TNIP3: variants seen among roughly 807,000 people sequenced by gnomAD.
The protein encoded by TNIP3 is TNFAIP3-interacting protein 3.
TNIP3 carries 34 observed loss-of-function variants against 54.1 expected under a neutral mutation model. That is an observed-to-expected ratio of 0.63 (90% confidence interval 0.48 to 0.84). The LOEUF is 0.84. TNIP3 is among the 40% of genes least tolerant of loss of function. The pLI is 0.00. For missense variants in TNIP3, 366 were observed against 387.6 expected (o/e 0.94, Z 0.47); for synonymous variants, 134 against 136.8 (o/e 0.98, Z 0.14).
intron 2 of TNIP3, among the ~76,000 whole-genome samples, chr4:121,203,963 A>T (rs926205935): frequency 6.1e-5 from 9 of 148,622 alleles, no homozygotes; most frequent in African/African-American, 1.5e-4. Context: ...ATATATATAT[A>T]TTTTAAATTA....
upstream of TNIP3, among the ~76,000 whole-genome samples, chr4:121,168,854 A>G (rs1008794649): frequency 1.3e-5 from 2 of 152,144 alleles, no homozygotes; most frequent in Non-Finnish European, 2.9e-5. Context: ...TCATAGGAAC[A>G]TTTTTAAGAG....
At chr4:121,169,326 A>G (rs1032988838) in intron 3 of TNIP3, among the ~76,000 whole-genome samples, 17 of 152,128 alleles carry the variant, frequency 1.1e-4, no homozygotes, top group Non-Finnish European at 1.2e-4. Context: ...CACATGGTAC[A>G]TCCCCTCACC....
chr4:121,159,128 A>G (rs1730292912), intron 2 of TNIP3, among the ~76,000 whole-genome samples: 1 of 152,208 alleles, frequency 6.6e-6, no homozygotes, highest in Non-Finnish European at 1.5e-5. Context: ...CTGCAGTCCC[A>G]GCTACTGGGG....
At chr4:121,156,396 C>T (rs1050619806) in intron 4 of TNIP3, among the ~76,000 whole-genome samples, 4 of 152,108 alleles carry the variant, frequency 2.6e-5, no homozygotes, top group African/African-American at 9.7e-5. Context: ...AAGTGTTCTT[C>T]AGGAAAAGCT....
chr4:121,161,701 C>T (rs921804718), intron 1 of TNIP3, among the ~76,000 whole-genome samples: 1 of 152,072 alleles, frequency 6.6e-6, no homozygotes, highest in Non-Finnish European at 1.5e-5. Context: ...ACAAAATCAT[C>T]GAGAAAAAGA....
chr4:121,162,464 A>G (rs1394913625), intron 1 of TNIP3, among the ~76,000 whole-genome samples: 1 of 152,240 alleles, frequency 6.6e-6, no homozygotes, highest in African/African-American at 2.4e-5. Flanking sequence ...CAAGAGTGAC[A>G]CTGAAACCCA....
upstream of TNIP3, among the ~76,000 whole-genome samples, chr4:121,218,943 T>C (rs1353122060): frequency 6.6e-6 from 1 of 152,184 alleles, no homozygotes; most frequent in East Asian, 1.9e-4. Flanking sequence ...CTCACGCCTG[T>C]AATCCTAGAA....
At chr4:121,191,781 T>C (rs1725323138) in intron 2 of TNIP3, among the ~76,000 whole-genome samples, 1 of 152,220 alleles carries the variant, frequency 6.6e-6, no homozygotes, top group South Asian at 2.1e-4. Flanking sequence ...ACTACTATCT[T>C]AAAATTATTC....
chr4:121,137,118 G>A (rs1367384967), intron 10 of TNIP3, among the ~76,000 whole-genome samples: 6 of 152,068 alleles, frequency 3.9e-5, no homozygotes, highest in Non-Finnish European at 8.8e-5. Flanking sequence ...GGTCCAGCAA[G>A]AATCTAATAA....
chr4:121,166,976 T>C (rs1338796907), upstream of TNIP3, among the ~76,000 whole-genome samples: 2 of 152,172 alleles, frequency 1.3e-5, no homozygotes, highest in African/African-American at 4.8e-5. Flanking sequence ...GCTTAAGGTC[T>C]CTAAGGCTCA....
At chr4:121,158,320 G>A (rs1054976888) in intron 3 of TNIP3, among the ~76,000 whole-genome samples, 10 of 152,132 alleles carry the variant, frequency 6.6e-5, no homozygotes, top group Non-Finnish European at 1.0e-4. Context: ...CTAACCTGGC[G>A]TAAACAGTAT....
At position 121,142,630 on chromosome 4, in the gene TNIP3, G is replaced by A. The variant is rs1399542488; in HGVS notation, c.786+96C>T. 10 of 1,128,066 alleles carry A rather than the reference G, an allele frequency of 8.9e-6. No individual in the cohort carries two copies. In the Admixed American group the frequency reaches 1.5e-4, roughly 17 times the overall value. 69.9% of individuals were successfully genotyped at this position (1,128,066 alleles called of 1,614,324 possible). A position where few individuals can be genotyped will look rare whatever the true frequency, so the allele number is the denominator to read the frequency against. ...TAATGAAAAGCATGGGTTGTTGTAGGTCACCTGTAGCAGAGCTTGAACATG... is the reference window on the plus strand; with the variant it reads ...TAATGAAAAGCATGGGTTGTTGTAGATCACCTGTAGCAGAGCTTGAACATG... On this transcript the variant is annotated intron_variant, in intron 8 of 10. Coordinates refer to ENST00000057513, the MANE Select transcript of TNIP3 (RefSeq NM_024873.6).
chr4:121,193,177 C>T (rs185011032), intron 2 of TNIP3, among the ~76,000 whole-genome samples: 15 of 152,184 alleles, frequency 9.9e-5, no homozygotes, highest in African/African-American at 3.4e-4. Context: ...AAGATTGGGA[C>T]ACGCTATCAG....
chr4:121,191,965 T>TTATTTAGATACCATATATTTA (rs1489011392), intron 2 of TNIP3, among the ~76,000 whole-genome samples: 1 of 152,212 alleles, frequency 6.6e-6, no homozygotes, highest in African/African-American at 2.4e-5. Flanking sequence ...GCATATTAAG[T>TTATTTAGATACCATATATTTA]TATTTAGATA....
intron 1 of TNIP3, among the ~76,000 whole-genome samples, chr4:121,222,544 A>G (rs1270161494): frequency 6.6e-6 from 1 of 152,200 alleles, no homozygotes; most frequent in Non-Finnish European, 1.5e-5. Context: ...CATAATGATT[A>G]AACAAGACAC....
At chr4:121,183,421 C>T (rs2148827799) in intron 2 of TNIP3, among the ~76,000 whole-genome samples, 2 of 152,338 alleles carry the variant, frequency 1.3e-5, no homozygotes, top group Middle Eastern at 3.4e-3. Context: ...GGGAGTTGCT[C>T]ATAGTCACAT....
chr4:121,189,979 T>G (rs947661398), intron 2 of TNIP3, among the ~76,000 whole-genome samples: 1 of 152,152 alleles, frequency 6.6e-6, no homozygotes, highest in African/African-American at 2.4e-5. Flanking sequence ...GGAGCCAGTT[T>G]GGAGCAGAGA....
At chr4:121,227,382 C>T (rs979578885) in intron 1 of TNIP3, 6 of 1,535,348 alleles carry the variant, frequency 3.9e-6, no homozygotes, top group Non-Finnish European at 5.2e-6. Context: ...TTATGTTACT[C>T]ACCATGTTCT....
intron 3 of TNIP3, among the ~76,000 whole-genome samples, chr4:121,182,003 C>T (rs1323256643): frequency 1.3e-5 from 2 of 151,970 alleles, no homozygotes; most frequent in African/African-American, 4.8e-5. Context: ...TTTAAAATGC[C>T]AGCCATGCTC....
Sources: gnomAD v4.1 joint callset for allele counts (sites outside exome capture counted in the v4.1 genomes callset) on GRCh38, gnomAD v4.1.1 for gene constraint, MANE v1.5 for transcripts, NCBI Gene and HGNC (gene_info 2026-07-23, HGNC 2026-07-21) for gene names.